FARSB: variants seen among roughly 807,000 people sequenced by gnomAD.
FARSB encodes the protein phenylalanine--tRNA ligase beta subunit.
A neutral mutation model predicts 69.6 loss-of-function variants in FARSB; 40 were observed. The observed-to-expected ratio is 0.57, with a 90% CI of 0.45 to 0.75. The LOEUF is 0.75. Ranked by LOEUF, FARSB falls within the 30% of genes least tolerant of loss-of-function variation. The probability of loss-of-function intolerance (pLI) is 0.00; values close to 1 mark genes in which losing one functional copy is unlikely to be tolerated. For synonymous variants in FARSB, 235 were observed against 247.2 expected, an observed-to-expected ratio of 0.95 and a Z score of 0.46; for missense variants, 632 against 722.9, an observed-to-expected ratio of 0.87 and a Z score of 1.44.
intron 16 of FARSB, among the ~76,000 whole-genome samples, chr2:222,573,757 T>C (rs1326810425): frequency 1.3e-5 from 2 of 152,198 alleles, no homozygotes; most frequent in African/African-American, 2.4e-5. Context: ...AGAGCTAGAC[T>C]TGAATACAAC....
chr2:222,642,584 T>C (rs1017086614), intron 3 of FARSB, among the ~76,000 whole-genome samples: 2 of 152,212 alleles, frequency 1.3e-5, no homozygotes, highest in Non-Finnish European at 2.9e-5. Flanking sequence ...ACCTGCTAAA[T>C]AATTTTTTAA....
rs1052171460 is a variant in FARSB at position 222,568,471 on chromosome 2, C to T, written c.*3400G>A. 2 of 152,250 alleles carry T rather than the reference C, an allele frequency of 1.3e-5. No individual in the cohort carries two copies. Among genetic ancestry groups the T allele is most frequent in the African/African-American group, 2.4e-5 (1 of 41,542 alleles). 9.4% of individuals were successfully genotyped at this position (152,250 alleles called of 1,614,324 possible). On this transcript the variant is annotated 3_prime_UTR_variant, in exon 17 of 17. Coordinates refer to ENST00000281828, the MANE Select transcript of FARSB (RefSeq NM_005687.5). The surrounding 1 kb of genome is among the most constrained non-coding windows in gnomAD (Gnocchi z 4.3). ...CTGAAACTCAACTGTTTTCACCCTA[C>T]ACATCAGGGAGAATTCCTACTCTCA...
chr2:222,615,892 C>T (rs1690984783), intron 14 of FARSB, among the ~76,000 whole-genome samples: 2 of 152,132 alleles, frequency 1.3e-5, no homozygotes, highest in African/African-American at 4.8e-5. Flanking sequence ...AAAAACAAAA[C>T]TACAATGTTA....
At chr2:222,628,764 G>T in intron 10 of FARSB, 73 bp downstream of exon 10, 1 of 1,035,410 alleles carries the variant, frequency 9.7e-7, no homozygotes, top group Non-Finnish European at 1.5e-6. Flanking sequence ...TAGACAGACA[G>T]AACATGAGTG....
chr2:222,594,519 C>T (rs891852212), intron 16 of FARSB, among the ~76,000 whole-genome samples: 2 of 151,946 alleles, frequency 1.3e-5, no homozygotes, highest in African/African-American at 4.8e-5. Context: ...TTTATGTATA[C>T]AGCACAGCTA....
In FARSB at chr2:222,596,048, A is replaced by G. The variant is rs903558427; in HGVS notation, c.1618+3880T>C. Among the ~76,000 whole-genome samples the G allele has an allele frequency of 1.9e-4, 29 of 152,102 alleles. 1 individual carries two copies. Among genetic ancestry groups the G allele is most frequent in the African/African-American group, 6.0e-4 (25 of 41,500 alleles). ...AGTTAAAGGTTCTTCTTTTTTTCCC[A>G]CTCAACATTGATCTTATTCTGTCAT... On this transcript the variant is annotated intron_variant, in intron 16 of 16. Transcript: ENST00000281828.
At chr2:222,642,363 G>C (rs1291911694) in intron 3 of FARSB, among the ~76,000 whole-genome samples, 3 of 152,184 alleles carry the variant, frequency 2.0e-5, no homozygotes, top group African/African-American at 7.2e-5. Flanking sequence ...TTATAGATTA[G>C]GAAATTGAAA....
At position 222,567,685 on chromosome 2, in the gene FARSB, TAGTTCAAGTACAA is replaced by T. The variant is rs1357916890; in HGVS notation, c.*4173_*4185del. ...AGATGTAAGGTACTGGAATAATATA[TAGTTCAAGTACAA>T]ACGTCACATCAAAGAAATATCTAAT... is the stretch of plus-strand genomic sequence containing the variant. On this transcript the variant is annotated 3_prime_UTR_variant, in exon 17 of 17. Transcript: ENST00000281828. 1 of 152,216 alleles carries T rather than the reference TAGTTCAAGTACAA, an allele frequency of 6.6e-6. No individual in the cohort carries two copies. The highest frequency in any genetic ancestry group is 1.5e-5 in the Non-Finnish European group (1 of 68,042). 9.4% of individuals were successfully genotyped at this position (152,216 alleles called of 1,614,324 possible). A position where few individuals can be genotyped will look rare whatever the true frequency, so the allele number is the denominator to read the frequency against.
At chr2:222,576,890 G>A (rs1559187156) in intron 16 of FARSB, among the ~76,000 whole-genome samples, 1 of 152,132 alleles carries the variant, frequency 6.6e-6, no homozygotes, top group African/African-American at 2.4e-5. Flanking sequence ...TGATTTAAAG[G>A]AAGAGACAGC....
chr2:222,579,197 G>T (rs941377881), intron 16 of FARSB, among the ~76,000 whole-genome samples: 4 of 152,138 alleles, frequency 2.6e-5, no homozygotes, highest in African/African-American at 9.7e-5. Context: ...TAAGGGCCGT[G>T]GAATCAGCTC....
chr2:222,612,741 C>G (rs554956712), intron 15 of FARSB, among the ~76,000 whole-genome samples: 1 of 152,324 alleles, frequency 6.6e-6, no homozygotes, highest in African/African-American at 2.4e-5. Context: ...AATGCACATA[C>G]AGCTTCGAAC....
intron 10 of FARSB, among the ~76,000 whole-genome samples, chr2:222,625,498 A>G (rs960693186): frequency 2.0e-4 from 31 of 152,346 alleles, no homozygotes; most frequent in Non-Finnish European, 4.0e-4. Context: ...TGCGGTCCTC[A>G]GAGCAGAAGC....
chr2:222,591,043 A>C (rs1383340259), intron 16 of FARSB, among the ~76,000 whole-genome samples: 3 of 151,990 alleles, frequency 2.0e-5, no homozygotes, highest in Admixed American at 2.0e-4. Context: ...ATATCTACTT[A>C]AAAAATAAAA....
Position 222,634,534 on chromosome 2 carries a change from C to A in FARSB, c.463G>T (p.Ala155Ser), listed in dbSNP as rs779860369. 5.6e-6 allele frequency: 9 copies of A among 1,611,032 alleles called. No homozygotes were observed. The highest frequency in any genetic ancestry group is 7.6e-6 in the Non-Finnish European group (9 of 1,178,590). Residue 155 changes from alanine to serine, a missense_variant, in exon 6 of 17, where the codon GCA becomes TCA. Transcript: ENST00000281828. ...KLHQNICRKR[A>S]LVAIGTHDLD... Reference sequence around the variant, plus strand: ...TCATGGGTACCAATGGCAACCAGTGCTCTTTTCCTAATTGTTGAGAGGTTG... The same window carrying A: ...TCATGGGTACCAATGGCAACCAGTGATCTTTTCCTAATTGTTGAGAGGTTG...
At chr2:222,631,932 C>T (rs10183146) in intron 7 of FARSB, among the ~76,000 whole-genome samples, 45,577 of 151,962 alleles carry the variant, frequency 0.3, 7,576 homozygotes, top group Non-Finnish European at 0.38. Flanking sequence ...ATTAGCCAGG[C>T]GTGGTGGCGC....
At chr2:222,633,070 A>G (rs1691477285) in intron 7 of FARSB, 129 bp downstream of exon 7, 1 of 641,532 alleles carries the variant, frequency 1.6e-6, no homozygotes, top group Admixed American at 2.8e-5. Context: ...TAGAATCTAC[A>G]AAAGACCTGA....
intron 2 of FARSB, among the ~76,000 whole-genome samples, chr2:222,645,084 T>C (rs914523901): frequency 2.6e-5 from 4 of 151,476 alleles, no homozygotes; most frequent in African/African-American, 9.7e-5. Flanking sequence ...CAGTGCTACC[T>C]GACAATAATC....
chr2:222,630,049 C>T, intron 9 of FARSB, 64 bp downstream of exon 9: 2 of 1,013,660 alleles, frequency 2.0e-6, no homozygotes, highest in Non-Finnish European at 3.0e-6. Flanking sequence ...CCTATCTTTA[C>T]ATTTAGCACA....
At position 222,613,849 on chromosome 2, in the gene FARSB, AAC is replaced by A. The variant is rs777436184; in HGVS notation, c.1422_1423del (p.Phe475Ter). The A allele has an allele frequency of 3.1e-6, 5 of 1,611,484 alleles. No homozygotes were observed. In the African/African-American group the frequency reaches 6.7e-5, roughly 22 times the overall value. ...TTTTATTACAATGTCAGAGATTTCAAACAGTTTCAGTGGAAGGGGCATCTTAC... is the reference window on the plus strand; with the variant it reads ...TTTTATTACAATGTCAGAGATTTCAAAGTTTCAGTGGAAGGGGCATCTTAC... On this transcript the variant is annotated frameshift_variant, in exon 15 of 17. Transcript: ENST00000281828. LOFTEE classifies it high-confidence loss of function.
Sources: gnomAD v4.1 joint callset for allele counts (sites outside exome capture counted in the v4.1 genomes callset) on GRCh38, gnomAD v4.1.1 for gene constraint, Gnocchi (gnomAD v3.1) non-coding constraint, MANE v1.5 for transcripts, NCBI Gene and HGNC (gene_info 2026-07-23, HGNC 2026-07-21) for gene names.